DCC: variants seen among roughly 807,000 people sequenced by gnomAD.
DCC encodes netrin receptor DCC.
Under a neutral mutation model 172.5 loss-of-function variants are expected in DCC, and 58 were observed. The observed-to-expected ratio is 0.34, with a 90% confidence interval of 0.27 to 0.42. DCC has a LOEUF of 0.42. Among genes scored for constraint, DCC ranks in the 10% least tolerant of loss-of-function variants. DCC has a pLI of 1.00. For synonymous variants in DCC, 709 were observed against 644.5 expected (o/e 1.10, Z -1.52); for missense variants, 1,740 against 1,791.0 (o/e 0.97, Z 0.51).
intron 1 of DCC, among the ~76,000 whole-genome samples, chr18:52,646,019 T>G (rs2035011302): frequency 6.6e-6 from 1 of 152,154 alleles, no homozygotes; most frequent in Non-Finnish European, 1.5e-5. Flanking sequence ...AGAGCCATGA[T>G]TTTGCTTTAG....
At chr18:52,932,902 C>T (rs1345277169) in intron 5 of DCC, among the ~76,000 whole-genome samples, 1 of 151,964 alleles carries the variant, frequency 6.6e-6, no homozygotes, top group African/African-American at 2.4e-5. Context: ...ATGATTATCT[C>T]AACCATTAAA....
At chr18:52,906,498 AAG>A in intron 3 of DCC, among the ~76,000 whole-genome samples, 170 bp downstream of exon 3, 1 of 140,510 alleles carries the variant, frequency 7.1e-6, no homozygotes, top group African/African-American at 2.6e-5. Context: ...GTTGTACCAA[AAG>A]CTGTTCTTTT....
intron 2 of DCC, among the ~76,000 whole-genome samples, chr18:52,784,332 G>C (rs1370698772): frequency 2.0e-5 from 3 of 152,052 alleles, no homozygotes; most frequent in Admixed American, 6.6e-5. Context: ...TGGGTACTTA[G>C]ATTCCTATCT....
chr18:52,672,238 A>T (rs1411388441), intron 1 of DCC, among the ~76,000 whole-genome samples: 1 of 152,208 alleles, frequency 6.6e-6, no homozygotes, highest in Non-Finnish European at 1.5e-5. Flanking sequence ...TAACAATAAA[A>T]TTTTTAAACG....
chr18:53,170,681 C>T (rs964050823), intron 8 of DCC, among the ~76,000 whole-genome samples: 3 of 152,122 alleles, frequency 2.0e-5, no homozygotes, highest in Non-Finnish European at 2.9e-5. Flanking sequence ...ATGTATTTTT[C>T]TTTAGATATT....
intron 12 of DCC, among the ~76,000 whole-genome samples, chr18:53,242,077 A>G (rs1358117083): frequency 6.6e-6 from 1 of 152,110 alleles, no homozygotes; most frequent in Non-Finnish European, 1.5e-5. Context: ...GCTTCTCTTT[A>G]GTTGCAACAA....
intron 1 of DCC, among the ~76,000 whole-genome samples, chr18:52,691,751 T>A (rs773825712): frequency 4.2e-4 from 64 of 152,134 alleles, no homozygotes; most frequent in Non-Finnish European, 8.1e-4. Flanking sequence ...AGAAACACCA[T>A]TGTACGGGGC....
chr18:52,340,242 C>A lies in DCC; in HGVS notation c.-546C>A. ...CCAGTAACAAGTGAGAGCGCTCCAC[C>A]CCGCAGTCCCCCCCGCCTCTCCTCC... is the stretch of plus-strand genomic sequence containing the variant. On this transcript the variant is annotated 5_prime_UTR_variant, in exon 1 of 29. Transcript: ENST00000442544. The A allele has an allele frequency of 5.2e-6, 1 of 191,124 alleles. No homozygotes were observed. The highest frequency in any genetic ancestry group is 1.1e-5 in the Non-Finnish European group (1 of 90,342). 11.8% of individuals were successfully genotyped at this position (191,124 alleles called of 1,614,324 possible).
At chr18:52,788,932 C>T (rs2037710532) in intron 2 of DCC, among the ~76,000 whole-genome samples, 1 of 152,124 alleles carries the variant, frequency 6.6e-6, no homozygotes, top group African/African-American at 2.4e-5. Flanking sequence ...ATCCATTCAG[C>T]TTATTTTGTA....
At chr18:52,949,825 A>G (rs2040607038) in intron 5 of DCC, among the ~76,000 whole-genome samples, 1 of 152,240 alleles carries the variant, frequency 6.6e-6, no homozygotes, top group South Asian at 2.1e-4. Flanking sequence ...GTTTGGGCAC[A>G]TGTAAATATA....
chr18:52,541,863 A>AGG, intron 1 of DCC, among the ~76,000 whole-genome samples: 1 of 125,884 alleles, frequency 7.9e-6, no homozygotes, highest in South Asian at 2.7e-4. Flanking sequence ...AAAGTATATG[A>AGG]TGTGTGTGTG....
chr18:52,585,577 C>T (rs1256964124), intron 1 of DCC, among the ~76,000 whole-genome samples: 1 of 152,080 alleles, frequency 6.6e-6, no homozygotes, highest in Non-Finnish European at 1.5e-5. Context: ...CAAAGGTAAG[C>T]CCCTGATGTG....
chr18:53,376,442 TGA>T (rs1216703095), intron 15 of DCC, among the ~76,000 whole-genome samples: 2 of 152,140 alleles, frequency 1.3e-5, no homozygotes, highest in African/African-American at 2.4e-5. Context: ...ACAGTATGCA[TGA>T]GTTTGCTTTT....
intron 1 of DCC, among the ~76,000 whole-genome samples, chr18:52,743,586 A>G (rs1047762710): frequency 6.6e-6 from 1 of 152,292 alleles, no homozygotes; most frequent in East Asian, 1.9e-4. Flanking sequence ...AGCCCTTATT[A>G]TTGTTCTTTA....
chr18:53,100,570 C>A (rs1009753013), intron 7 of DCC, among the ~76,000 whole-genome samples: 3 of 150,204 alleles, frequency 2.0e-5, no homozygotes, highest in African/African-American at 4.9e-5. Flanking sequence ...GGAGTAGAGT[C>A]AGAGAAAAGA....
rs551532905 is a variant in DCC at position 52,567,667 on chromosome 18, G to A, written c.92-184387G>A. Among the ~76,000 whole-genome samples the A allele has an allele frequency of 2.0e-5, 3 of 152,166 alleles. No homozygotes were observed. The South Asian group carries it at 6.2e-4, about 32-fold the overall frequency. Reference sequence around the variant, plus strand: ...ATAGACAACAGAGATTCTAAAGCAGGGATGAAAGGAGGATGAGTGATGAGA... The same window carrying A: ...ATAGACAACAGAGATTCTAAAGCAGAGATGAAAGGAGGATGAGTGATGAGA... On this transcript the variant is annotated intron_variant, in intron 1 of 28. Transcript: ENST00000442544.
chr18:53,421,280 G>A (rs539171030), intron 21 of DCC, among the ~76,000 whole-genome samples: 13 of 152,222 alleles, frequency 8.5e-5, no homozygotes, highest in African/African-American at 1.7e-4. Flanking sequence ...GTGTTTCTAC[G>A]TCTGCTCATT....
intron 12 of DCC, among the ~76,000 whole-genome samples, chr18:53,217,636 T>G (rs1270373112): frequency 1.3e-5 from 2 of 152,118 alleles, no homozygotes; most frequent in East Asian, 3.8e-4. Context: ...ACTTTTTGCA[T>G]TCTCAGTGTA....
chr18:52,624,789 C>T (rs1317487061), intron 1 of DCC, among the ~76,000 whole-genome samples: 2 of 152,118 alleles, frequency 1.3e-5, no homozygotes, highest in African/African-American at 2.4e-5. Flanking sequence ...CAGGCTTTTC[C>T]ATCTCATTAA....
Sources: gnomAD v4.1 joint callset for allele counts (sites outside exome capture counted in the v4.1 genomes callset) on GRCh38, gnomAD v4.1.1 for gene constraint, MANE v1.5 for transcripts, NCBI Gene and HGNC (gene_info 2026-07-23, HGNC 2026-07-21) for gene names.